PIK3CB: variants seen among roughly 807,000 people sequenced by gnomAD.
PIK3CB encodes phosphatidylinositol 4,5-bisphosphate 3-kinase catalytic subunit beta isoform.
In PIK3CB, 39 loss-of-function variants were observed where a neutral mutation model predicts 136.8. The ratio of observed to expected loss-of-function variants is 0.29; its 90% CI spans 0.22 to 0.37. The LOEUF is 0.37. PIK3CB is among the 10% of genes least tolerant of loss of function. PIK3CB has a pLI of 1.00. For synonymous variants in PIK3CB, 428 were observed against 436.6 expected, an observed-to-expected ratio of 0.98 and a Z score of 0.25; for missense variants, 868 against 1,275.4, an observed-to-expected ratio of 0.68 and a Z score of 4.87.
chr3:138,825,527 G>A (rs577341214), intron 1 of PIK3CB: 17 of 669,282 alleles, frequency 2.5e-5, no homozygotes, highest in Non-Finnish European at 4.3e-5. Flanking sequence ...CCAACTTCTG[G>A]TGGGAACAGT....
intron 8 of PIK3CB, among the ~76,000 whole-genome samples, chr3:138,723,746 C>T (rs1240527881): frequency 6.6e-6 from 1 of 152,170 alleles, no homozygotes; most frequent in South Asian, 2.1e-4. Context: ...CATTCCTATA[C>T]TCACCAATTA....
intron 12 of PIK3CB, among the ~76,000 whole-genome samples, chr3:138,700,726 GA>G: frequency 6.7e-6 from 1 of 149,412 alleles, no homozygotes; most frequent in Non-Finnish European, 1.5e-5. Flanking sequence ...TAGATAGATA[GA>G]TAGATAGATA....
At chr3:138,790,203 T>A (rs963182075) in intron 2 of PIK3CB, among the ~76,000 whole-genome samples, 69 of 152,108 alleles carry the variant, frequency 4.5e-4, no homozygotes, top group African/African-American at 1.6e-3. Flanking sequence ...CAATGAGAAG[T>A]TATTATTTAA....
At chr3:138,788,844 A>G (rs2046012885) in intron 2 of PIK3CB, among the ~76,000 whole-genome samples, 2 of 150,992 alleles carry the variant, frequency 1.3e-5, no homozygotes, top group African/African-American at 2.4e-5. Context: ...CGCACCTGTA[A>G]TCCCAGCTAC....
At chr3:138,825,022 C>CT (rs1038537825) in intron 1 of PIK3CB, 19 of 224,136 alleles carry the variant, frequency 8.5e-5, no homozygotes, top group African/African-American at 3.0e-4. Flanking sequence ...GATTGCACCA[C>CT]TGCACTCCAA....
chr3:138,826,735 G>A (rs1199322288), intron 1 of PIK3CB, among the ~76,000 whole-genome samples: 1 of 151,920 alleles, frequency 6.6e-6, no homozygotes, highest in Non-Finnish European at 1.5e-5. Context: ...CGTGTGCAAT[G>A]GGAGGGTCTC....
At chr3:138,674,676 A>C (rs1395101693) in intron 19 of PIK3CB, among the ~76,000 whole-genome samples, 1 of 152,226 alleles carries the variant, frequency 6.6e-6, no homozygotes. Flanking sequence ...ACCGTCCTTC[A>C]GGAAAATCAA....
intron 20 of PIK3CB, 67 bp from the exon 21 acceptor site, chr3:138,664,096 A>C: frequency 5.2e-6 from 8 of 1,545,296 alleles, no homozygotes; most frequent in Non-Finnish European, 7.0e-6. Flanking sequence ...GTGAGACCCA[A>C]ACCATACCTC....
chr3:138,712,169 G>T, intron 10 of PIK3CB, 39 bp downstream of exon 10: 1 of 990,086 alleles, frequency 1.0e-6, no homozygotes, highest in Non-Finnish European at 1.6e-6. Context: ...CCAAAAGTTA[G>T]TTATGCTTTA....
At chr3:138,681,372 GC>G (rs1424163004) in intron 19 of PIK3CB, among the ~76,000 whole-genome samples, 1 of 152,072 alleles carries the variant, frequency 6.6e-6, no homozygotes, top group Non-Finnish European at 1.5e-5. Context: ...TTTATAAAAT[GC>G]CTTTTCACAT....
intron 9 of PIK3CB, among the ~76,000 whole-genome samples, chr3:138,712,718 C>T (rs2044529067): frequency 6.6e-6 from 1 of 151,878 alleles, no homozygotes; most frequent in African/African-American, 2.4e-5. Flanking sequence ...AGGCACCCGC[C>T]ACCACACCCA....
chr3:138,732,998 A>T (rs1453694876), intron 8 of PIK3CB, among the ~76,000 whole-genome samples: 1 of 151,480 alleles, frequency 6.6e-6, no homozygotes, highest in Non-Finnish European at 1.5e-5. Context: ...GAATTATTCA[A>T]CCAAGATAAC....
intron 11 of PIK3CB, 96 bp from the exon 12 acceptor site, chr3:138,704,589 T>C: frequency 2.5e-6 from 2 of 800,688 alleles, no homozygotes; most frequent in Non-Finnish European, 4.3e-6. Context: ...ACATAAGATC[T>C]GGCATTGCTA....
At chr3:138,698,751 G>C (rs895307656) in intron 13 of PIK3CB, among the ~76,000 whole-genome samples, 156 bp downstream of exon 13, 2 of 152,092 alleles carry the variant, frequency 1.3e-5, no homozygotes, top group Non-Finnish European at 2.9e-5. Context: ...AAATGTTCTG[G>C]TCCATTACTT....
At chr3:138,824,740 AG>A (rs1166697312) in intron 1 of PIK3CB, among the ~76,000 whole-genome samples, 1 of 151,710 alleles carries the variant, frequency 6.6e-6, no homozygotes, top group Non-Finnish European at 1.5e-5. Context: ...CTCGGGGAGA[AG>A]GGGGGTCACA....
At chr3:138,748,096 G>C (rs1333450927) in intron 4 of PIK3CB, among the ~76,000 whole-genome samples, 3 of 151,278 alleles carry the variant, frequency 2.0e-5, no homozygotes, top group Non-Finnish European at 2.9e-5. Context: ...TAGTTTTGTT[G>C]AGAAACTACA....
chr3:138,718,317 T>C lies in PIK3CB; in HGVS notation c.1051-3598A>G, dbSNP rs144463321. Among the ~76,000 whole-genome samples the C allele has an allele frequency of 2.6e-3, 391 of 152,374 alleles. 1 individual carries two copies. Among genetic ancestry groups the C allele is most frequent in the African/African-American group, 9.0e-3 (373 of 41,594 alleles). Reference sequence around the variant, plus strand: ...TTTTTGCATATGCTTGTTGGCCGCATGTATGTCTTCTTTTGAAAAGTGTCT... The same window carrying C: ...TTTTTGCATATGCTTGTTGGCCGCACGTATGTCTTCTTTTGAAAAGTGTCT... On this transcript the variant is annotated intron_variant, in intron 8 of 23. Coordinates refer to ENST00000674063, the MANE Select transcript of PIK3CB (RefSeq NM_006219.3).
Position 138,801,861 on chromosome 3 carries a change from CAAAAAAAAAAAA to C in PIK3CB, c.-121-5306_-121-5295del, listed in dbSNP as rs35232938. ...CTGGTGACAGAGCAAGACTCCATCT[CAAAAAAAAAAAA>C]AAAAAAAAAGATAAAGAAAAAAATT... On this transcript the variant is annotated intron_variant, in intron 1 of 23. Coordinates refer to ENST00000674063, the MANE Select transcript of PIK3CB (RefSeq NM_006219.3). Among the ~76,000 whole-genome samples, 4 of 57,388 alleles carry C rather than the reference CAAAAAAAAAAAA, an allele frequency of 7.0e-5. No homozygotes were observed. In the Admixed American group the frequency reaches 9.7e-4, roughly 14 times the overall value. 37.6% of individuals were successfully genotyped at this position (57,388 alleles called of 152,430 possible). A position where few individuals can be genotyped will look rare whatever the true frequency, so the allele number is the denominator to read the frequency against.
chr3:138,757,126 C>T (rs560546005), intron 3 of PIK3CB, among the ~76,000 whole-genome samples: 60 of 152,256 alleles, frequency 3.9e-4, no homozygotes, highest in African/African-American at 1.3e-3. Context: ...CACAATGAGG[C>T]TGGGTGCAGT....
Sources: allele counts gnomAD v4.1 joint callset (sites outside exome capture counted in the v4.1 genomes callset), GRCh38; gene constraint gnomAD v4.1.1; transcripts MANE v1.5; gene names NCBI Gene and HGNC (gene_info 2026-07-23, HGNC 2026-07-21).